PCDHA7: variants seen among roughly 807,000 people sequenced by gnomAD.
PCDHA7 encodes the protein protocadherin alpha 7.
PCDHA7 carries 37 observed loss-of-function variants against 57.2 expected under a neutral mutation model. That is an observed-to-expected ratio of 0.65 (90% confidence interval 0.50 to 0.85). The LOEUF is 0.85. Ranked by LOEUF, PCDHA7 falls within the 40% of genes least tolerant of loss-of-function variation. The pLI is 0.00. For synonymous variants in PCDHA7, 553 were observed against 558.8 expected (o/e 0.99, Z 0.15); for missense variants, 1,188 against 1,241.8 (o/e 0.96, Z 0.65).
intron 1 of PCDHA7, among the ~76,000 whole-genome samples, chr5:140,906,368 T>C (rs1554192499): frequency 1.3e-5 from 2 of 152,198 alleles, no homozygotes. Flanking sequence ...CCAACCCAAA[T>C]GCTATTACAT....
intron 1 of PCDHA7, chr5:140,869,173 T>C: frequency 6.2e-7 from 1 of 1,613,884 alleles, no homozygotes; most frequent in African/African-American, 1.3e-5. Flanking sequence ...CCTCGAATTC[T>C]GGGAGGTGGG....
chr5:140,892,580 A>G (rs1462175198), intron 1 of PCDHA7, among the ~76,000 whole-genome samples: 1 of 152,198 alleles, frequency 6.6e-6, no homozygotes, highest in African/African-American at 2.4e-5. Context: ...AGTATATCTC[A>G]GTATTCATTC....
rs894945353 is a variant in PCDHA7 at position 140,936,140 on chromosome 5, G to A, written c.2356-42809G>A. ...ACTCCTGACCTTAAGTGATCTGCCC[G>A]CCTTGGCCTCCTAAAGTGCTGGGAT... is the stretch of plus-strand genomic sequence containing the variant. On this transcript the variant is annotated intron_variant, in intron 1 of 3. Coordinates refer to ENST00000525929, the MANE Select transcript of PCDHA7 (RefSeq NM_018910.3). 7.2e-5 allele frequency among the ~76,000 whole-genome samples: 11 copies of A among 152,050 alleles called. 1 individual carries two copies. The highest frequency in any genetic ancestry group is 6.6e-4 in the Admixed American group (10 of 15,256).
chr5:140,940,552 G>A (rs1198606745), intron 1 of PCDHA7, among the ~76,000 whole-genome samples: 4 of 152,018 alleles, frequency 2.6e-5, no homozygotes, highest in African/African-American at 9.7e-5. Flanking sequence ...GGGCTCAAGT[G>A]ATTCTCCTAC....
intron 1 of PCDHA7, chr5:140,927,020 T>G: frequency 6.2e-7 from 1 of 1,612,524 alleles, no homozygotes; most frequent in Non-Finnish European, 8.5e-7. Flanking sequence ...TCCGCGGACT[T>G]GAGGCTGCCA....
chr5:140,868,183 T>A (rs1286748964), intron 1 of PCDHA7: 2 of 152,160 alleles, frequency 1.3e-5, no homozygotes, highest in African/African-American at 4.8e-5. Flanking sequence ...TCTCATATTA[T>A]GCTACTATGG....
chr5:140,877,021 G>A, intron 1 of PCDHA7: 1 of 1,612,514 alleles, frequency 6.2e-7, no homozygotes, highest in Non-Finnish European at 8.5e-7. Context: ...GAGCGGCAAG[G>A]TGTACGCGCT....
At chr5:140,895,130 G>A (rs1423440826) in intron 1 of PCDHA7, among the ~76,000 whole-genome samples, 11 of 152,232 alleles carry the variant, frequency 7.2e-5, no homozygotes, top group African/African-American at 2.6e-4. Flanking sequence ...TAGTTGACAA[G>A]TTCATAGGGC....
rs1781426453 is a variant in PCDHA7, at chr5:140,848,298, G to A, written c.2355+11560G>A. On this transcript the variant is annotated intron_variant, in intron 1 of 3. Transcript: ENST00000525929. ...TATGTACTTACACTTTGGGCCACGTGATGTCACTCTTTGCCGCGATGTTCT... is the reference window on the plus strand; with the variant it reads ...TATGTACTTACACTTTGGGCCACGTAATGTCACTCTTTGCCGCGATGTTCT... 1.4e-5 allele frequency: 9 copies of A among 661,966 alleles called. 1 individual carries two copies. The Admixed American group carries it at 2.4e-4, about 18-fold the overall frequency. The allele number at this position is 661,966 out of a possible 1,614,324, so 41.0% of individuals were successfully genotyped here. A position where few individuals can be genotyped will look rare whatever the true frequency, so the allele number is the denominator to read the frequency against.
intron 1 of PCDHA7, among the ~76,000 whole-genome samples, chr5:140,895,783 A>G (rs750912902): frequency 2.1e-4 from 32 of 152,122 alleles, no homozygotes; most frequent in Non-Finnish European, 3.8e-4. Context: ...ATAGTATTCA[A>G]TGACGTATAT....
chr5:140,916,957 T>C (rs1478651535), intron 1 of PCDHA7, among the ~76,000 whole-genome samples: 1 of 152,224 alleles, frequency 6.6e-6, no homozygotes, highest in African/African-American at 2.4e-5. Context: ...TGCTGAGTTC[T>C]GACTGCTGGG....
In PCDHA7 at chr5:140,870,903, A is replaced by C. The variant is rs182770106; in HGVS notation, c.2355+34165A>C. On this transcript the variant is annotated intron_variant, in intron 1 of 3. Transcript: ENST00000525929. ...AGGTGCGCGCAGTGGATGCGGACTCAGGCTACAACGCGTGGCTTTCATATG... is the reference window on the plus strand; with the variant it reads ...AGGTGCGCGCAGTGGATGCGGACTCCGGCTACAACGCGTGGCTTTCATATG... 3.9e-4 allele frequency: 622 copies of C among 1,613,930 alleles called. 2 individuals carry two copies. The highest frequency in any genetic ancestry group is 2.8e-3 in the Middle Eastern group (17 of 6,060).
At chr5:140,926,494 C>T (rs565938693) in intron 1 of PCDHA7, 46 of 181,758 alleles carry the variant, frequency 2.5e-4, no homozygotes, top group African/African-American at 1.0e-3. Flanking sequence ...GTGTTAGTGT[C>T]TCGGGGCGTC....
chr5:140,927,481 G>T, intron 1 of PCDHA7: 1 of 1,614,072 alleles, frequency 6.2e-7, no homozygotes, highest in Non-Finnish European at 8.5e-7. Context: ...CGAACAGCGC[G>T]CCACCCACCT....
intron 1 of PCDHA7, among the ~76,000 whole-genome samples, chr5:140,872,606 A>AT (rs1302987061): frequency 6.6e-6 from 1 of 151,888 alleles, no homozygotes; most frequent in Non-Finnish European, 1.5e-5. Context: ...TGAAAAAATA[A>AT]TTTTTTTTGC....
At chr5:140,862,533 G>C in intron 1 of PCDHA7, 1 of 435,668 alleles carries the variant, frequency 2.3e-6, no homozygotes, top group Non-Finnish European at 4.6e-6. Context: ...ACAGCCATCG[G>C]GTCCGTGGAA....
chr5:140,967,272 TAG>T, intron 1 of PCDHA7: 1 of 1,613,412 alleles, frequency 6.2e-7, no homozygotes, highest in Non-Finnish European at 8.5e-7. Flanking sequence ...CGCTTTCACA[TAG>T]AGAGTGCGCA....
At chr5:140,893,987 T>A (rs112405686) in intron 1 of PCDHA7, among the ~76,000 whole-genome samples, 1 of 152,202 alleles carries the variant, frequency 6.6e-6, no homozygotes, top group Non-Finnish European at 1.5e-5. Context: ...TTTTAAAATA[T>A]CTCCAATTGT....
At chr5:141,006,108 T>G (rs1268824828) in intron 3 of PCDHA7, among the ~76,000 whole-genome samples, 3 of 151,864 alleles carry the variant, frequency 2.0e-5, no homozygotes, top group Non-Finnish European at 4.4e-5. Flanking sequence ...GTAAGGAGTT[T>G]TTTTTTTTTT....
Sources: allele counts gnomAD v4.1 joint callset (sites outside exome capture counted in the v4.1 genomes callset), GRCh38; gene constraint gnomAD v4.1.1; transcripts MANE v1.5; gene names NCBI Gene and HGNC (gene_info 2026-07-23, HGNC 2026-07-21).